RASGEF1C: variants seen among roughly 807,000 people sequenced by gnomAD.
RASGEF1C encodes RasGEF domain family member 1C.
Under a neutral mutation model 58.1 loss-of-function variants are expected in RASGEF1C, and 27 were observed. The ratio of observed to expected loss-of-function variants is 0.46; its 90% CI spans 0.34 to 0.64. The LOEUF (loss-of-function observed/expected upper bound fraction) is 0.64, where lower values mean the gene tolerates loss of function less well. Among genes scored for constraint, RASGEF1C ranks in the 30% least tolerant of loss-of-function variants. The pLI is 0.01. For missense variants in RASGEF1C, 502 were observed against 605.1 expected, an observed-to-expected ratio of 0.83 and a Z score of 1.79; for synonymous variants, 243 against 246.3, an observed-to-expected ratio of 0.99 and a Z score of 0.13.
intron 1 of RASGEF1C, among the ~76,000 whole-genome samples, chr5:180,184,918 T>C (rs1318622061): frequency 6.6e-6 from 1 of 152,198 alleles, no homozygotes; most frequent in Non-Finnish European, 1.5e-5. Context: ...CTGATAGAAC[T>C]GCGAGAATAA....
rs1766196575 is a variant in RASGEF1C at position 180,122,756 on chromosome 5, A to C, written c.715-1607T>G. ...AACTTCATCTAAAAAAAAAAAAAAAAACTAAAACAAAAACAAAAAACAAAA... is the reference window on the plus strand; with the variant it reads ...AACTTCATCTAAAAAAAAAAAAAAACACTAAAACAAAAACAAAAAACAAAA... On this transcript the variant is annotated intron_variant, in intron 6 of 13. Coordinates refer to ENST00000361132, the MANE Select transcript of RASGEF1C (RefSeq NM_175062.4). 4.2e-5 allele frequency among the ~76,000 whole-genome samples: 6 copies of C among 144,000 alleles called. No homozygotes were observed. The Admixed American group carries it at 4.2e-4, about 10-fold the overall frequency. 94.5% of individuals were successfully genotyped at this position (144,000 alleles called of 152,430 possible).
At chr5:180,202,398 A>T (rs555128146) in intron 1 of RASGEF1C, among the ~76,000 whole-genome samples, 44 of 152,182 alleles carry the variant, frequency 2.9e-4, no homozygotes, top group Non-Finnish European at 6.0e-4. Context: ...GCATATTCAA[A>T]GAGTCCCCCA....
rs948087387 is a variant in RASGEF1C at position 180,177,059 on chromosome 5, C to T, written c.-7+31969G>A. The stretch of plus-strand genomic sequence containing the variant: ...ACCTCCCAGAGGAGAGGGCTGCAGA[C>T]GAGGGGTTTCCAAGGGACGGCAACT... On this transcript the variant is annotated intron_variant, in intron 1 of 13. Coordinates refer to ENST00000361132, the MANE Select transcript of RASGEF1C (RefSeq NM_175062.4). This position sits in a 1 kb window ranked among gnomAD's most constrained non-coding sequence, Gnocchi z 5.0. Among the ~76,000 whole-genome samples, 2 of 152,112 alleles carry T rather than the reference C, an allele frequency of 1.3e-5. No homozygotes were observed. Among genetic ancestry groups the T allele is most frequent in the Admixed American group, 6.5e-5 (1 of 15,282 alleles).
chr5:180,159,287 G>A (rs1057412322), intron 1 of RASGEF1C, among the ~76,000 whole-genome samples: 5 of 151,912 alleles, frequency 3.3e-5, no homozygotes, highest in Admixed American at 3.3e-4. Context: ...GTACAGGCGT[G>A]CACCACCACG....
chr5:180,176,772 G>GA (rs1554114866), intron 1 of RASGEF1C, among the ~76,000 whole-genome samples: 1 of 152,122 alleles, frequency 6.6e-6, no homozygotes, highest in Non-Finnish European at 1.5e-5. Flanking sequence ...TGGCCAGGAT[G>GA]GTCTCGATCT....
chr5:180,105,663 T>C (rs1396712596), intron 12 of RASGEF1C, among the ~76,000 whole-genome samples: 1 of 146,348 alleles, frequency 6.8e-6, no homozygotes, highest in Non-Finnish European at 1.5e-5. Flanking sequence ...AGGTCAGGAG[T>C]TCGAGACCAG....
rs997476036 is a variant in RASGEF1C at position 180,198,190 on chromosome 5, G to A, written c.-7+10838C>T. Among the ~76,000 whole-genome samples the A allele has an allele frequency of 1.1e-4, 16 of 152,164 alleles. No individual in the cohort carries two copies. The highest frequency in any genetic ancestry group is 3.6e-4 in the African/African-American group (15 of 41,422). On this transcript the variant is annotated intron_variant, in intron 1 of 13. Coordinates refer to ENST00000361132, the MANE Select transcript of RASGEF1C (RefSeq NM_175062.4). The surrounding 1 kb of genome is among the most constrained non-coding windows in gnomAD (Gnocchi z 4.5). Reference sequence around the variant, plus strand: ...AACTGGAAACAGGCAGGACAAAAGCGCACCCTTCTGCAGGCCCCAGCCCCA... The same window carrying A: ...AACTGGAAACAGGCAGGACAAAAGCACACCCTTCTGCAGGCCCCAGCCCCA...
At chr5:180,195,288 G>A (rs1252502758) in intron 1 of RASGEF1C, among the ~76,000 whole-genome samples, 2 of 152,174 alleles carry the variant, frequency 1.3e-5, no homozygotes, top group African/African-American at 4.8e-5. Flanking sequence ...GAGGTGCCCT[G>A]AGGCCCAGGG....
At chr5:180,121,637 TCACACACACACACACACACACACACA>T (rs762495633) in intron 6 of RASGEF1C, among the ~76,000 whole-genome samples, 2 of 113,352 alleles carry the variant, frequency 1.8e-5, no homozygotes, top group East Asian at 5.3e-4. Flanking sequence ...AAATGTAACT[TCACACACACACACACACACACACACA>T]CACACACACA....
intron 1 of RASGEF1C, among the ~76,000 whole-genome samples, chr5:180,203,267 C>T (rs929145708): frequency 2.4e-4 from 37 of 152,160 alleles, no homozygotes; most frequent in Non-Finnish European, 4.4e-4. Context: ...GTTGTTATAT[C>T]ATGTATGTCA....
rs916500485 is a variant in RASGEF1C, at chr5:180,190,383, G to A, written c.-7+18645C>T. Among the ~76,000 whole-genome samples the A allele has an allele frequency of 7.3e-5, 11 of 151,262 alleles. No individual in the cohort carries two copies. In the East Asian group the frequency reaches 9.8e-4, roughly 13 times the overall value. ...CGGGCGCCTGTAGTCCCAGCTACTCGGGAGGCTGAGGCAGGAGAGTGGCGT... is the reference window on the plus strand; with the variant it reads ...CGGGCGCCTGTAGTCCCAGCTACTCAGGAGGCTGAGGCAGGAGAGTGGCGT... On this transcript the variant is annotated intron_variant, in intron 1 of 13. Transcript: ENST00000361132.
chr5:180,199,929 T>TA (rs993081023), intron 1 of RASGEF1C, among the ~76,000 whole-genome samples: 1 of 152,156 alleles, frequency 6.6e-6, no homozygotes, highest in Non-Finnish European at 1.5e-5. Flanking sequence ...AGCTTACTCT[T>TA]AAATGGCTTA....
Position 180,137,923 on chromosome 5 carries a change from C to G in RASGEF1C, c.130G>C (p.Glu44Gln), listed in dbSNP as rs1263375601. The G allele has an allele frequency of 6.2e-7, 1 of 1,613,252 alleles. No individual in the cohort carries two copies. The highest frequency in any genetic ancestry group is 1.7e-5 in the Admixed American group (1 of 59,960). The stretch of plus-strand genomic sequence containing the variant: ...GGCACCAGGTGCTGGATCAGTGTTT[C>G]CAGGGAGGCTGAGGATGGCGCTCCA... ...LDGAPSSASL[E>Q]TLIQHLVPTA... Residue 44 changes from glutamate to glutamine, a missense_variant, in exon 2 of 14, where the codon GAA becomes CAA. Glu to Gln is a conservative substitution (Grantham distance 29). Coordinates refer to ENST00000361132, the MANE Select transcript of RASGEF1C (RefSeq NM_175062.4). The surrounding 1 kb of genome is among the most constrained non-coding windows in gnomAD (Gnocchi z 4.1).
intron 1 of RASGEF1C, among the ~76,000 whole-genome samples, chr5:180,187,972 C>G (rs1427936144): frequency 6.6e-6 from 1 of 152,204 alleles, no homozygotes; most frequent in African/African-American, 2.4e-5. Flanking sequence ...AGCAATTCCA[C>G]TCCCAGTTAC....
chr5:180,102,204 C>A (rs535756875), intron 12 of RASGEF1C, 61 bp from the exon 13 acceptor site: 560 of 970,792 alleles, frequency 5.8e-4, no homozygotes, highest in Non-Finnish European at 8.5e-4. Flanking sequence ...CTGTTCTACA[C>A]CTGCTATATC....
rs34705746 is a variant in RASGEF1C, at chr5:180,101,351, T to TGG, written c.*148_*149dup. 3.4e-4 allele frequency: 245 copies of TGG among 711,286 alleles called. No individual in the cohort carries two copies. Among genetic ancestry groups the TGG allele is most frequent in the Non-Finnish European group, 4.5e-4 (203 of 448,072 alleles). The allele number at this position is 711,286 out of a possible 1,614,324, so 44.1% of individuals were successfully genotyped here. A position where few individuals can be genotyped will look rare whatever the true frequency, so the allele number is the denominator to read the frequency against. On this transcript the variant is annotated 3_prime_UTR_variant, in exon 14 of 14. Transcript: ENST00000361132. ...GTCTCCTGTGCCCGTATGGCCACTG[T>TGG]GGGGGGGGGGGGGGCGGGCAGCAGG...
intron 1 of RASGEF1C, among the ~76,000 whole-genome samples, chr5:180,202,437 C>A (rs1046551064): frequency 2.6e-5 from 4 of 151,984 alleles, no homozygotes; most frequent in Non-Finnish European, 4.4e-5. Context: ...CAAGAGAATG[C>A]CTAGTAAAAT....
In RASGEF1C at chr5:180,128,451, C is replaced by T. The variant is rs773616221; in HGVS notation, c.598G>A (p.Asp200Asn). 8.7e-6 allele frequency: 14 copies of T among 1,613,832 alleles called. No individual in the cohort carries two copies. Among genetic ancestry groups the T allele is most frequent in the East Asian group, 6.7e-5 (3 of 44,880 alleles). Residue 200 changes from aspartate (D) to asparagine (N), a missense_variant, in exon 5 of 14, where the codon GAC becomes AAC. Coordinates refer to ENST00000361132, the MANE Select transcript of RASGEF1C (RefSeq NM_175062.4). ...IHRELLGVCS[D>N]PYTLAQQLTH... The stretch of plus-strand genomic sequence containing the variant: ...AGCTGCTGGGCCAGTGTGTAGGGGT[C>T]GCTGCAGACACCAAGGAGCTCCCTG...
intron 1 of RASGEF1C, among the ~76,000 whole-genome samples, chr5:180,181,777 A>G (rs1031906678): frequency 1.2e-4 from 19 of 152,222 alleles, no homozygotes; most frequent in Non-Finnish European, 1.0e-4. Flanking sequence ...AGGCAGCCCT[A>G]GGAAAGTGAT....
Sources: allele counts gnomAD v4.1 joint callset (sites outside exome capture counted in the v4.1 genomes callset), GRCh38; gene constraint gnomAD v4.1.1; non-coding constraint Gnocchi (gnomAD v3.1); transcripts MANE v1.5; gene names NCBI Gene and HGNC (gene_info 2026-07-23, HGNC 2026-07-21).